Variants in XPO7 observed in about 807,000 individuals in gnomAD.
XPO7 encodes the protein exportin-7.
In XPO7, 21 loss-of-function variants were observed where a neutral mutation model predicts 144.3. The observed-to-expected ratio is 0.15, with a 90% CI of 0.10 to 0.21. The LOEUF (loss-of-function observed/expected upper bound fraction) is 0.21. Ranked by LOEUF, XPO7 falls within the 10% of genes least tolerant of loss-of-function variation. The pLI is 1.00. For missense variants in XPO7, 808 were observed against 1,325.8 expected (o/e 0.61, Z 6.06); for synonymous variants, 580 against 499.6 (o/e 1.16, Z -2.15).
At chr8:21,996,215 G>C (rs761026170) in intron 21 of XPO7, among the ~76,000 whole-genome samples, 1 of 152,178 alleles carries the variant, frequency 6.6e-6, no homozygotes, top group Non-Finnish European at 1.5e-5. Context: ...CGTGAATGCA[G>C]TAGTTCTAGA....
chr8:21,982,908 G>A (rs535811775), intron 11 of XPO7, 96 bp downstream of exon 11: 30 of 1,419,802 alleles, frequency 2.1e-5, no homozygotes, highest in East Asian at 1.2e-4. Flanking sequence ...TACTCGAAGC[G>A]TGTCTCATTG....
intron 6 of XPO7, among the ~76,000 whole-genome samples, chr8:21,975,944 A>AG (rs1349604462): frequency 7.2e-5 from 11 of 152,224 alleles, no homozygotes; most frequent in Non-Finnish European, 1.5e-4. Context: ...GAAAGAAAGT[A>AG]GGGCAGGGTG....
intron 11 of XPO7, among the ~76,000 whole-genome samples, chr8:21,983,920 A>C (rs1812486103): frequency 6.6e-6 from 1 of 152,208 alleles, no homozygotes; most frequent in Non-Finnish European, 1.5e-5. Context: ...CTCATTGGAC[A>C]AGATGTTAAA....
At chr8:21,975,227 C>T (rs1347117858) in intron 6 of XPO7, among the ~76,000 whole-genome samples, 4 of 152,180 alleles carry the variant, frequency 2.6e-5, no homozygotes, top group Admixed American at 1.3e-4. Flanking sequence ...CCCTGTCCCC[C>T]GCTGAGTTAA....
At position 21,929,376 on chromosome 8, in the gene XPO7, T is replaced by C. The variant is rs542790047; in HGVS notation, c.18+9588T>C. Among the ~76,000 whole-genome samples, 44 of 152,342 alleles carry C rather than the reference T, an allele frequency of 2.9e-4. No homozygotes were observed. The South Asian group carries it at 8.9e-3, about 31-fold the overall frequency. On this transcript the variant is annotated intron_variant, in intron 1 of 27. Coordinates refer to ENST00000252512, the MANE Select transcript of XPO7 (RefSeq NM_015024.5). ...TATTTTGTTATCCATGTATGTCCTG[T>C]TCTCTTGGCCAAGTGATGAGAGGAA... is the stretch of plus-strand genomic sequence containing the variant.
At chr8:21,989,482 T>C (rs1445500084) in intron 16 of XPO7, among the ~76,000 whole-genome samples, 1 of 152,242 alleles carries the variant, frequency 6.6e-6, no homozygotes, top group Non-Finnish European at 1.5e-5. Context: ...AAGTGATGAC[T>C]ATGCTTCCTC....
chr8:21,931,850 T>A (rs1359040925), intron 1 of XPO7, among the ~76,000 whole-genome samples: 2 of 152,182 alleles, frequency 1.3e-5, no homozygotes, highest in Non-Finnish European at 2.9e-5. Flanking sequence ...TTTTTTAAAA[T>A]CTTCTATTCT....
intron 7 of XPO7, among the ~76,000 whole-genome samples, chr8:21,976,957 C>A (rs954420030): frequency 2.6e-5 from 4 of 152,180 alleles, no homozygotes; most frequent in Non-Finnish European, 4.4e-5. Flanking sequence ...CTGTGCCCAG[C>A]CAGTAACATC....
chr8:21,941,733 CGTTT>C (rs910742261), intron 1 of XPO7, among the ~76,000 whole-genome samples: 5 of 152,112 alleles, frequency 3.3e-5, no homozygotes, highest in Non-Finnish European at 7.4e-5. Context: ...AAGGTATTTT[CGTTT>C]GTTTGTTTGT....
At chr8:21,921,119 C>T (rs1015908273) in intron 1 of XPO7, among the ~76,000 whole-genome samples, 1 of 152,030 alleles carries the variant, frequency 6.6e-6, no homozygotes, top group African/African-American at 2.4e-5. Flanking sequence ...TCAGAAGTGA[C>T]AGTAAAAGTT....
At chr8:21,930,571 T>C (rs1455066489) in intron 1 of XPO7, among the ~76,000 whole-genome samples, 1 of 152,030 alleles carries the variant, frequency 6.6e-6, no homozygotes, top group Non-Finnish European at 1.5e-5. Context: ...CAGAATACCA[T>C]AGATAAAGCT....
chr8:21,999,596 A>G lies in XPO7; in HGVS notation c.2704A>G (p.Met902Val). 1.2e-6 allele frequency: 2 copies of G among 1,613,988 alleles called. No individual in the cohort carries two copies. The highest frequency in any genetic ancestry group is 1.7e-6 in the Non-Finnish European group (2 of 1,179,896). The change falls in exon 24 of 28, where the codon ATG (methionine) becomes GTG (valine). Residue 902 changes from methionine to valine, a missense_variant. Transcript: ENST00000252512. ...ACTGGAAGTCCTGACCCAGGACCAT[A>G]TGAACTTTATTGCAAGCCTGGAACC... ...SLLEVLTQDH[M>V]NFIASLEPHV...
rs1200987611 is a variant in XPO7 at position 22,002,105 on chromosome 8, C to T, written c.2783-7C>T. The T allele has an allele frequency of 6.2e-7, 1 of 1,605,218 alleles. No individual in the cohort carries two copies. Among genetic ancestry groups the T allele is most frequent in the African/African-American group, 1.3e-5 (1 of 74,758 alleles). ...CTCTGTCCTACCCCTGCCTTTCTTT[C>T]TTGCAGACACCATGGTATGCACAGG... On this transcript the variant is annotated splice_polypyrimidine_tract_variant and splice_region_variant and intron_variant, in intron 24 of 27. Transcript: ENST00000252512.
intron 1 of XPO7, among the ~76,000 whole-genome samples, chr8:21,958,678 G>A (rs1811619913): frequency 7.5e-6 from 1 of 133,080 alleles, no homozygotes; most frequent in South Asian, 2.6e-4. Context: ...GCAAAGCAAG[G>A]CCGGGCATGG....
chr8:21,983,257 C>A (rs904005941), intron 11 of XPO7, among the ~76,000 whole-genome samples: 18 of 152,288 alleles, frequency 1.2e-4, no homozygotes, highest in Non-Finnish European at 2.2e-4. Flanking sequence ...GAATTCTAAG[C>A]CACTGATCAC....
intron 26 of XPO7, 125 bp from the exon 27 acceptor site, chr8:22,003,778 G>A (rs1813232882): frequency 7.2e-7 from 1 of 1,392,224 alleles, no homozygotes; most frequent in Non-Finnish European, 9.6e-7. Context: ...CTTTTTTAAG[G>A]GTCCAATTTT....
chr8:21,945,225 G>A (rs1027304541), intron 1 of XPO7, among the ~76,000 whole-genome samples: 4 of 152,190 alleles, frequency 2.6e-5, no homozygotes, highest in South Asian at 2.1e-4. Flanking sequence ...GGTGGCGGCC[G>A]GGCGGGGGCT....
At chr8:21,931,863 T>C (rs1288745908) in intron 1 of XPO7, among the ~76,000 whole-genome samples, 1 of 152,224 alleles carries the variant, frequency 6.6e-6, no homozygotes, top group East Asian at 1.9e-4. Context: ...TCTATTCTGC[T>C]AGAAGATTAC....
Position 21,992,006 on chromosome 8 carries a change from G to C in XPO7, c.2148+32G>C, listed in dbSNP as rs117372373. On this transcript the variant is annotated intron_variant, in intron 19 of 27. Transcript: ENST00000252512. ...GAGTCTTTCACCCAGTAATTAATCA[G>C]CTTCTGGTTTAGGGCAGTCTCTGAT... 157 of 1,573,382 alleles carry C rather than the reference G, an allele frequency of 1.0e-4. 1 individual carries two copies. The East Asian group carries it at 3.4e-3, about 34-fold the overall frequency.
Sources: allele counts gnomAD v4.1 joint callset (sites outside exome capture counted in the v4.1 genomes callset), GRCh38; gene constraint gnomAD v4.1.1; transcripts MANE v1.5; gene names NCBI Gene and HGNC (gene_info 2026-07-23, HGNC 2026-07-21).